SYS1: variants seen among roughly 807,000 people sequenced by gnomAD.
SYS1 encodes SYS1 golgi trafficking protein.
In SYS1, 8 loss-of-function variants were observed where a neutral mutation model predicts 17.8. The observed-to-expected ratio is 0.45, with a 90% CI of 0.26 to 0.81. SYS1 has a LOEUF of 0.81. Among genes scored for constraint, SYS1 ranks in the 40% least tolerant of loss-of-function variants. The probability of loss-of-function intolerance (pLI) is 0.16; values close to 1 mark genes in which losing one functional copy is unlikely to be tolerated. For synonymous variants in SYS1, 95 were observed against 90.9 expected, an observed-to-expected ratio of 1.05 and a Z score of -0.26; for missense variants, 161 against 203.9, an observed-to-expected ratio of 0.79 and a Z score of 1.28.
At chr20:45,364,465 CTTTTTTTTTT>C (rs386393831) in intron 2 of SYS1, among the ~76,000 whole-genome samples, 3 of 80,130 alleles carry the variant, frequency 3.7e-5, no homozygotes, top group Admixed American at 3.9e-4. Context: ...GAGCACAGTT[CTTTTTTTTTT>C]TTTTTTTTTT....
chr20:45,367,091 C>T lies in SYS1; in HGVS notation c.447C>T (p.Asn149=), dbSNP rs144570687. ...MRTELKEIPL[N]SAPKSNV ...CGGAGCTCAAGGAGATACCCCTCAA[C>T]TCAGCCCCTAAATCCAATGTCTAGA... The change falls in exon 4 of 4, where the codon AAC becomes AAT. Residue 149 remains asparagine, a synonymous_variant. Transcript: ENST00000243918. 5.0e-6 allele frequency: 8 copies of T among 1,614,110 alleles called. No individual in the cohort carries two copies. Among genetic ancestry groups the T allele is most frequent in the African/African-American group, 4.0e-5 (3 of 74,930 alleles).
chr20:45,364,416 T>A (rs1988334355), intron 2 of SYS1, among the ~76,000 whole-genome samples: 1 of 150,066 alleles, frequency 6.7e-6, no homozygotes, highest in Admixed American at 6.7e-5. Context: ...AGGAGGCCTA[T>A]AAGTTGTTAC....
chr20:45,373,462 C>T (rs1319193304), downstream of SYS1: 2 of 218,796 alleles, frequency 9.1e-6, no homozygotes, highest in Non-Finnish European at 1.9e-5. Context: ...GGGGCTATTC[C>T]GCCTGCCTCG....
At chr20:45,363,434 T>A in intron 1 of SYS1, 95 bp from the exon 2 acceptor site, 2 of 1,469,082 alleles carry the variant, frequency 1.4e-6, no homozygotes, top group Non-Finnish European at 1.8e-6. Context: ...ACTCTTGGAA[T>A]GGGCTCACCC....
At chr20:45,369,879 A>G (rs1186836569), downstream of SYS1, among the ~76,000 whole-genome samples, 2 of 150,634 alleles carry the variant, frequency 1.3e-5, no homozygotes, top group African/African-American at 4.9e-5. Context: ...TCGGCCTCCC[A>G]AAGTGCTGGG....
chr20:45,363,160 C>G lies in SYS1; in HGVS notation c.-159C>G. On this transcript the variant is annotated 5_prime_UTR_variant, in exon 1 of 4. Coordinates refer to ENST00000243918, the MANE Select transcript of SYS1 (RefSeq NM_033542.4). The stretch of plus-strand genomic sequence containing the variant: ...CTGCTTTCCCCGGAAACGTTTCTTT[C>G]CTACGCAGCCGCTCCTGCCGCCGTG... 9.7e-7 allele frequency: 1 copy of G among 1,034,172 alleles called. No individual in the cohort carries two copies. Among genetic ancestry groups the G allele is most frequent in the Non-Finnish European group, 1.2e-6 (1 of 858,830 alleles). The allele number at this position is 1,034,172 out of a possible 1,614,324, so 64.1% of individuals were successfully genotyped here.
At chr20:45,370,560 C>T (rs947882944), downstream of SYS1, among the ~76,000 whole-genome samples, 1 of 152,080 alleles carries the variant, frequency 6.6e-6, no homozygotes, top group Non-Finnish European at 1.5e-5. Flanking sequence ...ATGAGAGCCA[C>T]GATGGCAGCC....
At position 45,375,205 on chromosome 20, in the gene SYS1, T is replaced by C. The variant is rs2231621; in HGVS notation, c.*911T>C. Reference sequence around the variant, plus strand: ...GATCCACTGGTCGGCTACATCCAGCTGCTTCATGTGCCCCATGGGAGTTCT... The same window carrying C: ...GATCCACTGGTCGGCTACATCCAGCCGCTTCATGTGCCCCATGGGAGTTCT... On this transcript the variant is annotated 3_prime_UTR_variant, in exon 4 of 4. Transcript: ENST00000426004. 230 of 1,614,192 alleles carry C rather than the reference T, an allele frequency of 1.4e-4. 1 individual carries two copies. The East Asian group carries it at 2.5e-3, about 17-fold the overall frequency.
chr20:45,373,883 G>A (rs755857875), downstream of SYS1: 4 of 1,601,808 alleles, frequency 2.5e-6, no homozygotes, highest in East Asian at 2.2e-5. Context: ...AGCAGTATTC[G>A]TCTTAGGTGC....
At chr20:45,365,419 C>T in intron 2 of SYS1, 200 bp from the exon 3 acceptor site, 1 of 707,470 alleles carries the variant, frequency 1.4e-6, no homozygotes, top group Non-Finnish European at 2.6e-6. Flanking sequence ...AATCCCTTTC[C>T]ACCTGCTGTG....
chr20:45,370,599 C>T (rs920028404), downstream of SYS1, among the ~76,000 whole-genome samples: 5 of 152,074 alleles, frequency 3.3e-5, no homozygotes, highest in African/African-American at 1.2e-4. Context: ...CAATGGGAAG[C>T]TCCAGGACTC....
chr20:45,367,515 G>A lies in SYS1; in HGVS notation c.*400G>A. On this transcript the variant is annotated 3_prime_UTR_variant, in exon 4 of 4. Transcript: ENST00000243918. ...CCCCCCTGGGACAGCTGTTACCTTT[G>A]CAGTGTTGCCGAATCACAGCAGTTA... 1 of 1,012,048 alleles carries A rather than the reference G, an allele frequency of 9.9e-7. No homozygotes were observed. Among genetic ancestry groups the A allele is most frequent in the Admixed American group, 5.3e-5 (1 of 18,768 alleles). 62.7% of individuals were successfully genotyped at this position (1,012,048 alleles called of 1,614,324 possible).
chr20:45,369,656 G>C (rs961849913), downstream of SYS1, among the ~76,000 whole-genome samples: 5 of 146,276 alleles, frequency 3.4e-5, no homozygotes, highest in Admixed American at 1.4e-4. Flanking sequence ...AGGCTGGAGT[G>C]CACTGGTGTG....
At chr20:45,370,166 A>T (rs1478585814), downstream of SYS1, among the ~76,000 whole-genome samples, 1 of 151,994 alleles carries the variant, frequency 6.6e-6, no homozygotes, top group African/African-American at 2.4e-5. Context: ...CTCTCAAGTG[A>T]TCCACCCGCC....
upstream of SYS1, among the ~76,000 whole-genome samples, chr20:45,362,225 C>T (rs1404719970): frequency 6.6e-6 from 1 of 152,236 alleles, no homozygotes; most frequent in Non-Finnish European, 1.5e-5. Flanking sequence ...ACCCACTACT[C>T]TGCCTTCTAA....
chr20:45,375,635 G>A, exon 4 of SYS1: 1 of 1,508,734 alleles, frequency 6.6e-7, no homozygotes, highest in Non-Finnish European at 8.8e-7. Flanking sequence ...CAGCTCAGGG[G>A]AGCCTGTTAA....
rs1379163486 is a variant in SYS1 at position 45,365,629 on chromosome 20, T to A, written c.173T>A (p.Phe58Tyr). 6.2e-7 allele frequency: 1 copy of A among 1,614,158 alleles called. No individual in the cohort carries two copies. Among genetic ancestry groups the A allele is most frequent in the South Asian group, 1.1e-5 (1 of 91,088 alleles). ...DQMFDAEILG[F>Y]STPPGRLSMM... is the part of the protein sequence containing the mutation. ...GTGATTCCCCCTCAGATCCTGGGCT[T>A]TTCCACCCCTCCAGGCCGGCTCTCC... Residue 58 changes from phenylalanine (F) to tyrosine (Y), a missense_variant, in exon 3 of 4, where the codon TTT (phenylalanine) becomes TAT (tyrosine). By Grantham distance (22) the Phe-to-Tyr change is conservative. Transcript: ENST00000243918.
At chr20:45,365,851 A>G (rs1568917436) in intron 3 of SYS1, 165 bp downstream of exon 3, 2 of 700,554 alleles carry the variant, frequency 2.9e-6, no homozygotes, top group Non-Finnish European at 2.5e-6. Context: ...GCCTCCTTCC[A>G]TTGCTGTTTT....
At chr20:45,362,723 G>A (rs1988261558), upstream of SYS1, among the ~76,000 whole-genome samples, 1 of 152,126 alleles carries the variant, frequency 6.6e-6, no homozygotes, top group African/African-American at 2.4e-5. Flanking sequence ...ACAGTATGTT[G>A]CTTTCCTTCT....
Sources: gnomAD v4.1 joint callset for allele counts (sites outside exome capture counted in the v4.1 genomes callset) on GRCh38, gnomAD v4.1.1 for gene constraint, MANE v1.5 for transcripts, NCBI Gene and HGNC (gene_info 2026-07-23, HGNC 2026-07-21) for gene names.